PTK2: variants seen among roughly 807,000 people sequenced by gnomAD.
The protein encoded by PTK2 is focal adhesion kinase 1.
PTK2 carries 45 observed loss-of-function variants against 150.1 expected under a neutral mutation model. That is an observed-to-expected ratio of 0.30 (90% CI 0.24 to 0.38). The LOEUF is 0.38. PTK2 is among the 10% of genes least tolerant of loss of function. PTK2 has a pLI of 1.00. For missense variants in PTK2, 919 were observed against 1,307.3 expected, an observed-to-expected ratio of 0.70 and a Z score of 4.58; for synonymous variants, 432 against 449.2, an observed-to-expected ratio of 0.96 and a Z score of 0.48.
chr8:140,733,403 T>C (rs1283115959), intron 22 of PTK2, among the ~76,000 whole-genome samples: 1 of 150,896 alleles, frequency 6.6e-6, no homozygotes, highest in Non-Finnish European at 1.5e-5. Flanking sequence ...CTGGGAAGAG[T>C]AATGAGAGAA....
Position 140,662,713 on chromosome 8 carries a change from G to A in PTK2, c.2946+2204C>T, listed in dbSNP as rs77258301. 813 of 598,360 alleles carry A rather than the reference G, an allele frequency of 1.4e-3. 6 individuals carry two copies. Among genetic ancestry groups the A allele is most frequent in the African/African-American group, 0.013 (740 of 56,040 alleles). 37.1% of individuals were successfully genotyped at this position (598,360 alleles called of 1,614,324 possible). A position where few individuals can be genotyped will look rare whatever the true frequency, so the allele number is the denominator to read the frequency against. On this transcript the variant is annotated intron_variant, in intron 31 of 31. Coordinates refer to ENST00000522684, the Ensembl canonical transcript of PTK2. ...GAAGTCAATGTCCAGTTGGTCAACT[G>A]GAACATCCCCTGGACATCGTATGTC...
intron 26 of PTK2, among the ~76,000 whole-genome samples, chr8:140,693,577 A>T (rs1280874771): frequency 0.36 from 36,496 of 102,224 alleles, 10,080 homozygotes; most frequent in Non-Finnish European, 0.46. Context: ...AAAAAAAAAA[A>T]AAAAAAAAAA....
At chr8:140,771,920 C>A (rs1180352354) in intron 14 of PTK2, among the ~76,000 whole-genome samples, 1 of 151,418 alleles carries the variant, frequency 6.6e-6, no homozygotes, top group East Asian at 1.9e-4. Flanking sequence ...GCTGGGATTA[C>A]AGGCGCCTGC....
At chr8:140,879,308 A>G in intron 4 of PTK2, 163 bp downstream of exon 4, 1 of 681,458 alleles carries the variant, frequency 1.5e-6, no homozygotes, top group Non-Finnish European at 2.3e-6. Context: ...CTAGAGGTCT[A>G]GAAGAGATCA....
At chr8:140,906,735 G>A (rs1290961445) in intron 2 of PTK2, among the ~76,000 whole-genome samples, 1 of 152,102 alleles carries the variant, frequency 6.6e-6, no homozygotes, top group Non-Finnish European at 1.5e-5. Context: ...ATAAGTTCTA[G>A]TATTTGATAG....
chr8:140,701,302 A>G (rs2100030305), intron 25 of PTK2, among the ~76,000 whole-genome samples: 1 of 152,250 alleles, frequency 6.6e-6, no homozygotes, highest in East Asian at 1.9e-4. Flanking sequence ...ATTGTTACTT[A>G]TAGTAAAAAA....
chr8:140,947,449 C>G (rs2100178075), intron 1 of PTK2, among the ~76,000 whole-genome samples: 1 of 152,126 alleles, frequency 6.6e-6, no homozygotes, highest in African/African-American at 2.4e-5. Context: ...TCGAGCTCAT[C>G]TAACTCTAAA....
At chr8:140,978,190 T>C (rs540965334) in intron 1 of PTK2, among the ~76,000 whole-genome samples, 7 of 152,310 alleles carry the variant, frequency 4.6e-5, no homozygotes, top group South Asian at 2.1e-4. Context: ...ATTCAGGACA[T>C]AGGCATGGGC....
chr8:140,995,643 A>AAAC (rs2100197406), intron 1 of PTK2, among the ~76,000 whole-genome samples: 1 of 151,520 alleles, frequency 6.6e-6, no homozygotes, highest in Non-Finnish European at 1.5e-5. Context: ...CTCTACTAAA[A>AAAC]AAACAAACAA....
intron 1 of PTK2, among the ~76,000 whole-genome samples, chr8:140,975,060 A>G (rs2100188775): frequency 3.3e-5 from 5 of 152,162 alleles, no homozygotes; most frequent in Admixed American, 3.3e-4. Flanking sequence ...TGTGCCCTTA[A>G]GTCCTTCATT....
chr8:140,813,126 T>C (rs1389599310), intron 10 of PTK2, among the ~76,000 whole-genome samples: 3 of 152,190 alleles, frequency 2.0e-5, no homozygotes, highest in Non-Finnish European at 2.9e-5. Context: ...AATTATATAA[T>C]TGAACACAAA....
In PTK2 at chr8:140,744,786, A is replaced by AAAT; in HGVS notation, c.1519-20_1519-19insATT. On this transcript the variant is annotated intron_variant, in intron 18 of 31. Transcript: ENST00000522684. ...ACCTCAGCTTTTGGAACAATGACCA[A>AAAT]AAGAAAAAAAAAAAAAAAAGAATTA... 2.2e-6 allele frequency: 3 copies of AAAT among 1,375,710 alleles called. No homozygotes were observed. Among genetic ancestry groups the AAAT allele is most frequent in the Non-Finnish European group, 3.0e-6 (3 of 993,222 alleles). The allele number at this position is 1,375,710 out of a possible 1,614,324, so 85.2% of individuals were successfully genotyped here.
intron 1 of PTK2, among the ~76,000 whole-genome samples, chr8:140,956,389 G>A (rs1229743210): frequency 6.6e-6 from 1 of 152,224 alleles, no homozygotes; most frequent in East Asian, 1.9e-4. Context: ...ACGCGTTTTA[G>A]TGAAGCTGGG....
rs1387826496 is a variant in PTK2 at position 140,901,580 on chromosome 8, A to C, written c.-32-10811T>G. ...AGAGCTTAGAAAACTCAATAGAAGGAGTTGGAGGTACAATGAGCTAAAATC... is the reference window on the plus strand; with the variant it reads ...AGAGCTTAGAAAACTCAATAGAAGGCGTTGGAGGTACAATGAGCTAAAATC... On this transcript the variant is annotated intron_variant, in intron 2 of 31. Coordinates refer to ENST00000522684, the Ensembl canonical transcript of PTK2. 2.6e-5 allele frequency among the ~76,000 whole-genome samples: 4 copies of C among 152,042 alleles called. No individual in the cohort carries two copies. In the East Asian group the frequency reaches 7.7e-4, roughly 29 times the overall value.
At chr8:140,723,903 A>C (rs2100044365) in intron 22 of PTK2, among the ~76,000 whole-genome samples, 1 of 152,254 alleles carries the variant, frequency 6.6e-6, no homozygotes, top group Non-Finnish European at 1.5e-5. Context: ...AAATCATTGA[A>C]GTGATCAGTT....
intron 27 of PTK2, among the ~76,000 whole-genome samples, chr8:140,681,461 T>C (rs1340989530): frequency 6.7e-6 from 1 of 150,368 alleles, no homozygotes. Context: ...CTTCCTTATG[T>C]TGAAGAAACT....
intron 2 of PTK2, among the ~76,000 whole-genome samples, chr8:140,915,651 C>T (rs1294746335): frequency 2.0e-5 from 3 of 152,010 alleles, no homozygotes; most frequent in African/African-American, 7.3e-5. Context: ...AATCCCAGCA[C>T]TTTGGGAGGC....
At position 140,817,013 on chromosome 8, in the gene PTK2, T is replaced by C. The variant is rs182605214; in HGVS notation, c.867+1264A>G. On this transcript the variant is annotated intron_variant, in intron 10 of 31. Coordinates refer to ENST00000522684, the Ensembl canonical transcript of PTK2. ...TATAAAGGAGTATTTATTATGTCAT[T>C]GTCTTGGGGCAGAAATCTAAAAGCA... Among the ~76,000 whole-genome samples, 8 of 152,340 alleles carry C rather than the reference T, an allele frequency of 5.3e-5. No homozygotes were observed. The East Asian group carries it at 1.3e-3, about 26-fold the overall frequency.
At chr8:140,925,151 C>G (rs2100168992) in intron 2 of PTK2, among the ~76,000 whole-genome samples, 2 of 151,964 alleles carry the variant, frequency 1.3e-5, no homozygotes, top group African/African-American at 4.8e-5. Flanking sequence ...ATACCAAACA[C>G]CAAGGCAGCA....
Sources: gnomAD v4.1 joint callset for allele counts (sites outside exome capture counted in the v4.1 genomes callset) on GRCh38, gnomAD v4.1.1 for gene constraint, MANE v1.5 for transcripts, NCBI Gene and HGNC (gene_info 2026-07-23, HGNC 2026-07-21) for gene names.